Variants in ZNF627 observed in about 807,000 individuals in gnomAD.
The protein encoded by ZNF627 is zinc finger protein 627.
A neutral mutation model predicts 10.6 loss-of-function variants in ZNF627; 12 were observed. That is an observed-to-expected ratio of 1.13 (90% CI 0.73 to 1.84). ZNF627 has a LOEUF of 1.84. Ranked by LOEUF, ZNF627 falls within the 40% of genes most tolerant of loss-of-function variation. The probability of loss-of-function intolerance (pLI) is 0.00; values close to 1 mark genes in which losing one functional copy is unlikely to be tolerated. For synonymous variants in ZNF627, 176 were observed against 187.1 expected, an observed-to-expected ratio of 0.94 and a Z score of 0.48; for missense variants, 504 against 568.4, an observed-to-expected ratio of 0.89 and a Z score of 1.15.
intron 1 of ZNF627, among the ~76,000 whole-genome samples, chr19:11,612,159 C>T (rs1282205927): frequency 1.8e-4 from 22 of 123,856 alleles, no homozygotes; most frequent in East Asian, 7.6e-4. Context: ...CTCGCTCTGT[C>T]GCCCAGGCTG....
chr19:11,614,788 A>T (rs201692718), intron 2 of ZNF627, 39 bp from the exon 3 acceptor site: 1 of 1,588,318 alleles, frequency 6.3e-7, no homozygotes, highest in Non-Finnish European at 8.6e-7. Flanking sequence ...TCATAATTTT[A>T]TACTAATTCA....
In ZNF627 at chr19:11,617,987, A is replaced by G. The variant is rs4804611; in HGVS notation, c.*98A>G. On this transcript the variant is annotated 3_prime_UTR_variant, in exon 4 of 4. Coordinates refer to ENST00000361113, the MANE Select transcript of ZNF627 (RefSeq NM_145295.4). ...CTTTCAACTACGTGAAAGGATTCAC[A>G]GTGGAGAAAGACCCTGTAAGATAAT... 269,530 of 1,042,496 alleles carry G rather than the reference A, an allele frequency of 0.26. 35,232 individuals are homozygous for G. The highest frequency in any genetic ancestry group is 0.31 in the Middle Eastern group (1,452 of 4,710). 64.6% of individuals were successfully genotyped at this position (1,042,496 alleles called of 1,614,324 possible).
intron 1 of ZNF627, among the ~76,000 whole-genome samples, chr19:11,602,077 G>A (rs890378053): frequency 6.6e-6 from 1 of 151,722 alleles, no homozygotes; most frequent in Non-Finnish European, 1.5e-5. Context: ...TTCTTTTGTA[G>A]GGAGGAGCAA....
At chr19:11,599,111 G>A (rs1973541968) in intron 1 of ZNF627, among the ~76,000 whole-genome samples, 1 of 152,172 alleles carries the variant, frequency 6.6e-6, no homozygotes, top group African/African-American at 2.4e-5. Context: ...TCCTTTCCTG[G>A]TCCTGGGCTT....
rs963509364 is a variant in ZNF627, at chr19:11,608,886, T to A, written c.4-5641T>A. ...ACAATAACTTATTATTATTATTATT[T>A]TTTGAGACAGGGTCTTGCTGCATTA... On this transcript the variant is annotated intron_variant, in intron 1 of 3. Coordinates refer to ENST00000361113, the MANE Select transcript of ZNF627 (RefSeq NM_145295.4). Among the ~76,000 whole-genome samples the A allele has an allele frequency of 4.6e-5, 7 of 152,080 alleles. No individual in the cohort carries two copies. In the South Asian group the frequency reaches 6.2e-4, roughly 13 times the overall value.
At chr19:11,605,165 C>T (rs1350691745) in intron 1 of ZNF627, among the ~76,000 whole-genome samples, 1 of 144,968 alleles carries the variant, frequency 6.9e-6, no homozygotes, top group African/African-American at 2.6e-5. Context: ...CTCACTGCAA[C>T]CTCTGCCTCC....
chr19:11,613,075 TCCCTCCCTTC>T (rs1973801564), intron 1 of ZNF627, among the ~76,000 whole-genome samples: 2 of 29,520 alleles, frequency 6.8e-5, no homozygotes, highest in Admixed American at 4.0e-4. Flanking sequence ...TCCCCTCCCC[TCCCTCCCTTC>T]CCCCCTCCCC....
rs1479402235 is a variant in ZNF627, at chr19:11,618,597, C to G, written c.*708C>G. On this transcript the variant is annotated 3_prime_UTR_variant, in exon 4 of 4. Coordinates refer to ENST00000361113, the MANE Select transcript of ZNF627 (RefSeq NM_145295.4). ...TTGATTCAGCCTGATAGCTACCATG[C>G]TGCTGTCAAAACCAACCAGAGGGGA... 6.6e-6 allele frequency: 1 copy of G among 152,198 alleles called. No homozygotes were observed. The highest frequency in any genetic ancestry group is 1.5e-5 in the Non-Finnish European group (1 of 68,038). 9.4% of individuals were successfully genotyped at this position (152,198 alleles called of 1,614,324 possible).
At chr19:11,603,474 G>T (rs1314226978) in intron 1 of ZNF627, among the ~76,000 whole-genome samples, 1 of 151,250 alleles carries the variant, frequency 6.6e-6, no homozygotes, top group African/African-American at 2.4e-5. Context: ...TTTTGTGGAG[G>T]CGGGGTTTTG....
intron 1 of ZNF627, among the ~76,000 whole-genome samples, chr19:11,610,052 T>A (rs907328758): frequency 1.6e-4 from 14 of 89,448 alleles, no homozygotes; most frequent in Non-Finnish European, 3.6e-4. Flanking sequence ...TTTGAATTTT[T>A]TTTTTTTTTT....
intron 1 of ZNF627, among the ~76,000 whole-genome samples, chr19:11,603,713 CTT>C (rs1006064007): frequency 7.2e-5 from 11 of 152,074 alleles, no homozygotes; most frequent in African/African-American, 2.7e-4. Flanking sequence ...ACTTAATAAA[CTT>C]TATTTTTTAG....
At chr19:11,606,880 G>A (rs1035739952) in intron 1 of ZNF627, among the ~76,000 whole-genome samples, 5 of 152,194 alleles carry the variant, frequency 3.3e-5, no homozygotes, top group African/African-American at 1.2e-4. Flanking sequence ...CCTCCTTTTA[G>A]CAATGGCTGG....
At position 11,618,015 on chromosome 19, in the gene ZNF627, G is replaced by T. The variant is rs1973910388; in HGVS notation, c.*126G>T. The T allele has an allele frequency of 1.2e-6, 1 of 802,416 alleles. No individual in the cohort carries two copies. The highest frequency in any genetic ancestry group is 1.8e-6 in the Non-Finnish European group (1 of 542,196). The allele number at this position is 802,416 out of a possible 1,614,324, so 49.7% of individuals were successfully genotyped here. A position where few individuals can be genotyped will look rare whatever the true frequency, so the allele number is the denominator to read the frequency against. ...GGAGAAAGACCCTGTAAGATAATTG[G>T]CTTTAAATTACGAGAGACTTGTGAT... On this transcript the variant is annotated 3_prime_UTR_variant, in exon 4 of 4. Transcript: ENST00000361113.
chr19:11,609,471 T>TTTTATATATA (rs1973729284), intron 1 of ZNF627, among the ~76,000 whole-genome samples: 1 of 54,016 alleles, frequency 1.9e-5, no homozygotes, highest in Non-Finnish European at 5.1e-5. Flanking sequence ...TTAAAAAATT[T>TTTTATATATA]TATATATATA....
Position 11,617,043 on chromosome 19 carries a change from A to G in ZNF627, c.540A>G (p.Val180=). ...KECGETFISL[V]SIRRHMLTHR... is the part of the protein sequence containing the mutation. ...GTGGAGAAACCTTTATTTCTCTTGT[A>G]AGCATTCGAAGACACATGTTAACGC... The change falls in exon 4 of 4, where the codon GTA becomes GTG. Residue 180 remains valine, a synonymous_variant. Transcript: ENST00000361113. 1 of 1,614,084 alleles carries G rather than the reference A, an allele frequency of 6.2e-7. No homozygotes were observed. The highest frequency in any genetic ancestry group is 8.5e-7 in the Non-Finnish European group (1 of 1,180,000).
At chr19:11,608,114 A>G (rs1390123308) in intron 1 of ZNF627, among the ~76,000 whole-genome samples, 1 of 152,198 alleles carries the variant, frequency 6.6e-6, no homozygotes, top group Admixed American at 6.6e-5. Flanking sequence ...GGTGGCAGCA[A>G]GGAGAAGTGC....
chr19:11,610,536 G>C (rs1369721926), intron 1 of ZNF627, among the ~76,000 whole-genome samples: 1 of 152,070 alleles, frequency 6.6e-6, no homozygotes, highest in Admixed American at 6.6e-5. Context: ...TAGGGAGGTC[G>C]AGGTTGCAAT....
At position 11,616,970 on chromosome 19, in the gene ZNF627, T is replaced by C; in HGVS notation, c.467T>C (p.Val156Ala). ...RALSYHRSFP[V>A]RERTHPGGKP... is the part of the protein sequence containing the mutation. ...TTGAGTTATCATCGCTCTTTTCCAG[T>C]ACGTGAAAGGACTCATCCTGGAGGA... Residue 156 changes from valine (V) to alanine (A), a missense_variant, in exon 4 of 4, where the codon GTA becomes GCA. Transcript: ENST00000361113. 1 of 1,614,176 alleles carries C rather than the reference T, an allele frequency of 6.2e-7. No homozygotes were observed. Among genetic ancestry groups the C allele is most frequent in the African/African-American group, 1.3e-5 (1 of 75,044 alleles).
rs913136332 is a variant in ZNF627, at chr19:11,614,524, C to T, written c.4-3C>T. On this transcript the variant is annotated splice_polypyrimidine_tract_variant and splice_region_variant and intron_variant, in intron 1 of 3. Transcript: ENST00000361113. ...CCTCCTCCACACATGGGGGATGTTT[C>T]AGGATTCAGTGGCCTTTGAGGATGT... 9 of 1,613,816 alleles carry T rather than the reference C, an allele frequency of 5.6e-6. No homozygotes were observed. The highest frequency in any genetic ancestry group is 7.6e-6 in the Non-Finnish European group (9 of 1,179,936).
Sources: allele counts gnomAD v4.1 joint callset (sites outside exome capture counted in the v4.1 genomes callset), GRCh38; gene constraint gnomAD v4.1.1; transcripts MANE v1.5; gene names NCBI Gene and HGNC (gene_info 2026-07-23, HGNC 2026-07-21).